The following CYP7B1 variants were observed in gnomAD, a reference collection of about 807,000 sequenced individuals.
CYP7B1 encodes the protein cytochrome P450 family 7 subfamily B member 1.
In CYP7B1, 29 loss-of-function variants were observed where a neutral mutation model predicts 42.7. That is an observed-to-expected ratio of 0.68 (90% CI 0.51 to 0.93). CYP7B1 has a LOEUF of 0.93. Among genes scored for constraint, CYP7B1 ranks in the 40% least tolerant of loss-of-function variants. The pLI is 0.00. For synonymous variants in CYP7B1, 235 were observed against 218.2 expected (o/e 1.08, Z -0.68); for missense variants, 655 against 600.5 (o/e 1.09, Z -0.95).
intron 1 of CYP7B1, among the ~76,000 whole-genome samples, chr8:64,682,081 A>G (rs1806547263): frequency 6.6e-6 from 1 of 152,212 alleles, no homozygotes. Flanking sequence ...CTGAGCTGTG[A>G]GTTTAAAGAT....
rs1460454139 is a variant in CYP7B1, at chr8:64,595,691, T to C, written c.*951A>G. Among the ~76,000 whole-genome samples the C allele has an allele frequency of 2.6e-5, 4 of 152,234 alleles. No individual in the cohort carries two copies. In the East Asian group the frequency reaches 7.7e-4, roughly 29 times the overall value. ...TATGAAATTACACTGCATTACATGA[T>C]GTTGTAATTCAAAATAGAACACATG... On this transcript the variant is annotated 3_prime_UTR_variant, in exon 6 of 6. Coordinates refer to ENST00000310193, the MANE Select transcript of CYP7B1 (RefSeq NM_004820.5).
intron 4 of CYP7B1, among the ~76,000 whole-genome samples, chr8:64,612,148 T>C (rs1805372509): frequency 6.6e-6 from 1 of 152,138 alleles, no homozygotes; most frequent in Admixed American, 6.6e-5. Context: ...TACTTTTCTT[T>C]TTCCTATATC....
intron 1 of CYP7B1, among the ~76,000 whole-genome samples, chr8:64,701,720 AC>A (rs939772053): frequency 5.7e-4 from 86 of 152,192 alleles, no homozygotes; most frequent in African/African-American, 2.0e-3. Context: ...TTCCAGACAC[AC>A]ACATAACGGG....
chr8:64,661,103 A>C (rs1014642213), intron 1 of CYP7B1, among the ~76,000 whole-genome samples: 27 of 152,222 alleles, frequency 1.8e-4, no homozygotes, highest in African/African-American at 6.3e-4. Flanking sequence ...AAAGAGAGCA[A>C]ATCATGGTGG....
rs367799637 is a variant in CYP7B1 at position 64,764,913 on chromosome 8, T to G, written c.122+33553A>C. ...CCTAACAGGGGATTTAAATCTCAAT[T>G]ACCACACAAAGTTCCGACCAGACCT... On this transcript the variant is annotated intron_variant, in intron 1 of 5. Transcript: ENST00000310193. 5.3e-5 allele frequency among the ~76,000 whole-genome samples: 8 copies of G among 151,682 alleles called. No individual in the cohort carries two copies. In the South Asian group the frequency reaches 8.3e-4, roughly 16 times the overall value.
chr8:64,665,848 T>C (rs562966643), intron 1 of CYP7B1, among the ~76,000 whole-genome samples: 2 of 152,114 alleles, frequency 1.3e-5, no homozygotes, highest in Non-Finnish European at 2.9e-5. Flanking sequence ...AGTGTCAGGA[T>C]TACAGGCGTG....
chr8:64,688,941 T>C (rs1453821148), intron 1 of CYP7B1, among the ~76,000 whole-genome samples: 2 of 151,920 alleles, frequency 1.3e-5, no homozygotes, highest in Non-Finnish European at 1.5e-5. Flanking sequence ...TATAAATAAA[T>C]AAAAAACAAA....
intron 5 of CYP7B1, among the ~76,000 whole-genome samples, chr8:64,597,704 C>T (rs1805139293): frequency 6.6e-6 from 1 of 152,182 alleles, no homozygotes; most frequent in Non-Finnish European, 1.5e-5. Context: ...TTTTGCCTTG[C>T]TGCCAAAGGG....
At position 64,616,285 on chromosome 8, in the gene CYP7B1, GAAAA is replaced by G; in HGVS notation, c.260-8_260-5del. Reference sequence around the variant, plus strand: ...AGGATAAATGTTATGTACTTTCCTAGAAAAAAAAAAAGAGAGAGAAAATATGAGT... The same window carrying G: ...AGGATAAATGTTATGTACTTTCCTAGAAAAAAAGAGAGAGAAAATATGAGT... On this transcript the variant is annotated splice_region_variant and splice_polypyrimidine_tract_variant and intron_variant, in intron 2 of 5. Transcript: ENST00000310193. 1 of 1,193,380 alleles carries G rather than the reference GAAAA, an allele frequency of 8.4e-7. No homozygotes were observed. The allele number at this position is 1,193,380 out of a possible 1,614,324, so 73.9% of individuals were successfully genotyped here.
intron 2 of CYP7B1, 57 bp from the exon 3 acceptor site, chr8:64,616,338 AAAC>A (rs1805449043): frequency 9.4e-7 from 1 of 1,068,462 alleles, no homozygotes; most frequent in Non-Finnish European, 1.4e-6. Flanking sequence ...AAACAGAAAT[AAAC>A]ACCACAAATT....
chr8:64,703,523 T>A (rs930590564), intron 1 of CYP7B1, among the ~76,000 whole-genome samples: 2 of 152,016 alleles, frequency 1.3e-5, no homozygotes, highest in South Asian at 2.1e-4. Flanking sequence ...TCAGGACCAG[T>A]TCCTTGTCTG....
intron 1 of CYP7B1, among the ~76,000 whole-genome samples, chr8:64,648,457 G>GT (rs1805987646): frequency 6.6e-6 from 1 of 152,184 alleles, no homozygotes; most frequent in African/African-American, 2.4e-5. Flanking sequence ...TGAAAATGCA[G>GT]TTTCCACAAT....
intron 1 of CYP7B1, among the ~76,000 whole-genome samples, chr8:64,693,090 T>C (rs1221440454): frequency 6.6e-6 from 1 of 152,164 alleles, no homozygotes; most frequent in African/African-American, 2.4e-5. Context: ...CAATCACTGT[T>C]CTCCAAAGGA....
At chr8:64,785,981 C>T (rs1804519972) in intron 1 of CYP7B1, among the ~76,000 whole-genome samples, 1 of 152,138 alleles carries the variant, frequency 6.6e-6, no homozygotes, top group African/African-American at 2.4e-5. Context: ...ATGCCAGACA[C>T]TTATAAAACC....
At chr8:64,632,486 G>A (rs1011787445) in intron 1 of CYP7B1, among the ~76,000 whole-genome samples, 1 of 152,080 alleles carries the variant, frequency 6.6e-6, no homozygotes, top group East Asian at 1.9e-4. Flanking sequence ...ATTAGCTCTA[G>A]AGAGCTGCTG....
At chr8:64,660,671 G>T (rs1419164935) in intron 1 of CYP7B1, among the ~76,000 whole-genome samples, 1 of 152,202 alleles carries the variant, frequency 6.6e-6, no homozygotes. Flanking sequence ...AATATTGGAA[G>T]TAAATTCCCA....
chr8:64,778,909 G>A (rs1406742172), intron 1 of CYP7B1, among the ~76,000 whole-genome samples: 2 of 152,030 alleles, frequency 1.3e-5, no homozygotes, highest in Non-Finnish European at 2.9e-5. Flanking sequence ...ATGGGATAGA[G>A]CAAAAAAGGC....
chr8:64,587,273 G>A (rs1371636488), downstream of CYP7B1, among the ~76,000 whole-genome samples: 1 of 152,258 alleles, frequency 6.6e-6, no homozygotes, highest in Non-Finnish European at 1.5e-5. Flanking sequence ...CATCCGGAGG[G>A]ATTCGGGATC....
Position 64,593,412 on chromosome 8 carries a change from G to A in CYP7B1, c.*3230C>T, listed in dbSNP as rs994316590. Among the ~76,000 whole-genome samples the A allele has an allele frequency of 2.4e-4, 37 of 151,942 alleles. No homozygotes were observed. Among genetic ancestry groups the A allele is most frequent in the Admixed American group, 6.6e-5 (1 of 15,252 alleles). ...ATTTGCCTATCTCAGTCTTAGCTCC[G>A]GGTAAAAATAAACAAAAAAATGAAC... On this transcript the variant is annotated 3_prime_UTR_variant, in exon 6 of 6. Coordinates refer to ENST00000310193, the MANE Select transcript of CYP7B1 (RefSeq NM_004820.5).
Sources: gnomAD v4.1 joint callset for allele counts (sites outside exome capture counted in the v4.1 genomes callset) on GRCh38, gnomAD v4.1.1 for gene constraint, MANE v1.5 for transcripts, NCBI Gene and HGNC (gene_info 2026-07-23, HGNC 2026-07-21) for gene names.